The following MSN variants were observed in gnomAD, a reference collection of about 807,000 sequenced individuals.
MSN encodes the protein epididymis luminal protein 70.
MSN carries 2 observed loss-of-function variants against 48.0 expected under a neutral mutation model. The observed-to-expected ratio is 0.04, with a 90% CI of 0.02 to 0.13. The LOEUF is 0.13. Ranked by LOEUF, MSN falls within the 10% of genes least tolerant of loss-of-function variation. The pLI, the probability that MSN is intolerant of heterozygous loss-of-function variation, is 1.00. For synonymous variants in MSN, 146 were observed against 166.9 expected, an observed-to-expected ratio of 0.87 and a Z score of 0.97; for missense variants, 267 against 470.1, an observed-to-expected ratio of 0.57 and a Z score of 3.99.
At chrX:65,588,735 G>A (rs969878683) in intron 1 of MSN, 99 of 487,698 alleles carry the variant, frequency 2.0e-4, no homozygotes, top group Non-Finnish European at 2.4e-4. Flanking sequence ...TTCTCAGGGG[G>A]TAGGGGACAC....
chrX:65,602,922 C>T (rs1039388622), intron 1 of MSN, among the ~76,000 whole-genome samples: 8 of 111,151 alleles, frequency 7.2e-5, no homozygotes, highest in African/African-American at 2.6e-4. Context: ...TGGTAGGAAC[C>T]TTAGAGACCA....
chrX:65,611,904 TG>T (rs1168848185), intron 1 of MSN, among the ~76,000 whole-genome samples: 2 of 112,385 alleles, frequency 1.8e-5, no homozygotes, highest in Non-Finnish European at 3.8e-5. Context: ...GCCATCCTAA[TG>T]GTTGTGAAGT....
intron 1 of MSN, among the ~76,000 whole-genome samples, chrX:65,686,847 A>G (rs949230873): frequency 8.9e-6 from 1 of 112,416 alleles, no homozygotes; most frequent in African/African-American, 3.2e-5. Flanking sequence ...AGTTTAAATC[A>G]TGTTTTAATA....
At chrX:65,724,666 T>C (rs2071550141) in intron 2 of MSN, among the ~76,000 whole-genome samples, 1 of 98,519 alleles carries the variant, frequency 1.0e-5, no homozygotes, top group Non-Finnish European at 1.9e-5. Flanking sequence ...TTTATGTTTG[T>C]TTTGTTTTGT....
At position 65,727,917 on chromosome X, in the gene MSN, C is replaced by T; in HGVS notation, c.192+8C>T. On this transcript the variant is annotated splice_region_variant and intron_variant, in intron 3 of 12. Coordinates refer to ENST00000360270, the MANE Select transcript of MSN (RefSeq NM_002444.3). ...CTGAAACTCAATAAGAAGGTAACTG[C>T]TTATTCCTCTGTTGGATTTAGAATT... 8.5e-7 allele frequency: 1 copy of T among 1,176,230 alleles called. No homozygotes were observed. The highest frequency in any genetic ancestry group is 1.8e-5 in the South Asian group (1 of 55,966).
intron 1 of MSN, chrX:65,716,413 C>T (rs1344640857): frequency 4.6e-6 from 1 of 216,960 alleles, no homozygotes; most frequent in Non-Finnish European, 9.0e-6. Flanking sequence ...GTAGCTTGAA[C>T]TACAGGTGTG....
chrX:65,629,966 G>A (rs1227440558), intron 1 of MSN, among the ~76,000 whole-genome samples: 1 of 110,944 alleles, frequency 9.0e-6, no homozygotes, highest in African/African-American at 3.3e-5. Flanking sequence ...ATGACTTGAG[G>A]TCAGGAGTTT....
intron 2 of MSN, 89 bp downstream of exon 2, chrX:65,716,990 G>T: frequency 1.2e-6 from 1 of 823,465 alleles, no homozygotes; most frequent in Non-Finnish European, 1.8e-6. Context: ...TCTTGTCAAA[G>T]AATCTCTCTT....
intron 1 of MSN, among the ~76,000 whole-genome samples, chrX:65,644,454 T>G (rs1037803167): frequency 6.3e-5 from 7 of 111,946 alleles, no homozygotes; most frequent in African/African-American, 2.3e-4. Context: ...CACATCATTA[T>G]GCCCAGCTCC....
At chrX:65,643,712 G>T (rs1183478620) in intron 1 of MSN, among the ~76,000 whole-genome samples, 2 of 111,421 alleles carry the variant, frequency 1.8e-5, no homozygotes, top group East Asian at 5.6e-4. Flanking sequence ...CTAGTTTGAG[G>T]GAGAAGAAAA....
intron 7 of MSN, among the ~76,000 whole-genome samples, chrX:65,734,689 A>G (rs2071657767): frequency 8.9e-6 from 1 of 112,308 alleles, no homozygotes; most frequent in African/African-American, 3.2e-5. Context: ...AGCTGAGATC[A>G]AGGGCTCATT....
intron 1 of MSN, among the ~76,000 whole-genome samples, chrX:65,648,484 C>T (rs937447730): frequency 9.9e-5 from 11 of 111,248 alleles, no homozygotes; most frequent in African/African-American, 3.6e-4. Flanking sequence ...ATCTGGGAGG[C>T]AGAGGTTGCA....
At position 65,616,433 on chromosome X, in the gene MSN, G is replaced by C. The variant is rs1257366125; in HGVS notation, c.-22+27821G>C. On this transcript the variant is annotated intron_variant, in intron 1 of 3. Transcript: ENST00000609672. The stretch of plus-strand genomic sequence containing the variant: ...AAGAGGTCCTTCACATCCCTTGTAA[G>C]TTGGATTCCTAGGTATTTTATTCTC... Among the ~76,000 whole-genome samples, 3 of 77,524 alleles carry C rather than the reference G, an allele frequency of 3.9e-5. No homozygotes were observed. The Admixed American group carries it at 4.8e-4, about 12-fold the overall frequency. 67.3% of individuals were successfully genotyped at this position (77,524 alleles called of 115,157 possible).
chrX:65,620,432 C>T (rs754402569), intron 1 of MSN, among the ~76,000 whole-genome samples: 1,906 of 113,284 alleles, frequency 0.017, 31 homozygotes, highest in African/African-American at 0.059. Flanking sequence ...CCAAGCCCGT[C>T]GGAAAAGCGC....
chrX:65,718,270 T>TC (rs1485585901), intron 2 of MSN, among the ~76,000 whole-genome samples: 15 of 109,546 alleles, frequency 1.4e-4, no homozygotes, highest in African/African-American at 3.3e-4. Flanking sequence ...CTTCATCCCC[T>TC]CCCCCCGAGA....
chrX:65,594,842 A>C (rs1370435246), intron 1 of MSN, among the ~76,000 whole-genome samples: 1 of 111,914 alleles, frequency 8.9e-6, no homozygotes, highest in Non-Finnish European at 1.9e-5. Flanking sequence ...AGGGGAGCCC[A>C]GTGTTTCATG....
At chrX:65,670,896 T>TTATATA (rs57076717) in intron 1 of MSN, among the ~76,000 whole-genome samples, 2 of 14,049 alleles carry the variant, frequency 1.4e-4, no homozygotes, top group African/African-American at 2.8e-4. Flanking sequence ...ATGATGACAG[T>TTATATA]TATATATATA....
chrX:65,661,853 A>C (rs1399911668), intron 1 of MSN, among the ~76,000 whole-genome samples: 3 of 112,191 alleles, frequency 2.7e-5, no homozygotes, highest in African/African-American at 9.7e-5. Flanking sequence ...TGTCTCTACT[A>C]AAAATACAAA....
intron 1 of MSN, among the ~76,000 whole-genome samples, chrX:65,618,691 C>G (rs1433300377): frequency 2.7e-5 from 3 of 110,057 alleles, no homozygotes; most frequent in Non-Finnish European, 3.8e-5. Flanking sequence ...TTAATTGGAG[C>G]ATTTAGTCCA....
Sources: gnomAD v4.1 joint callset for allele counts (sites outside exome capture counted in the v4.1 genomes callset) on GRCh38, gnomAD v4.1.1 for gene constraint, MANE v1.5 for transcripts, NCBI Gene and HGNC (gene_info 2026-07-23, HGNC 2026-07-21) for gene names.